PRKAR1A: variants seen among roughly 807,000 people sequenced by gnomAD.
PRKAR1A encodes protein kinase cAMP-dependent type I regulatory subunit alpha.
Under a neutral mutation model 52.0 loss-of-function variants are expected in PRKAR1A, and 3 were observed. The ratio of observed to expected loss-of-function variants is 0.06; its 90% CI spans 0.03 to 0.15. The LOEUF (loss-of-function observed/expected upper bound fraction) is 0.15. PRKAR1A is among the 10% of genes least tolerant of loss of function. The pLI, the probability that PRKAR1A is intolerant of heterozygous loss-of-function variation, is 1.00. For synonymous variants in PRKAR1A, 188 were observed against 168.4 expected (o/e 1.12, Z -0.90); for missense variants, 240 against 477.4 (o/e 0.50, Z 4.63).
chr17:68,545,612 T>G (rs1013639154), intron 11 of PRKAR1A, among the ~76,000 whole-genome samples: 1 of 152,184 alleles, frequency 6.6e-6, no homozygotes, highest in East Asian at 1.9e-4. Context: ...GTGGCAACTT[T>G]TAAAAATAAG....
chr17:68,478,720 G>A, the PRKAR1A span, among the ~76,000 whole-genome samples: 2 of 134,024 alleles, frequency 1.5e-5, no homozygotes, highest in Admixed American at 7.5e-5. Flanking sequence ...GTATGTATAT[G>A]TTGGACAGTT....
At chr17:68,435,553 C>T in the PRKAR1A span, 5 of 1,497,886 alleles carry the variant, frequency 3.3e-6, no homozygotes, top group Non-Finnish European at 2.8e-6. Context: ...TGTTCAATCC[C>T]ATCCCTGCGC....
In PRKAR1A at chr17:68,527,856, A is replaced by G; in HGVS notation, c.725A>G (p.Lys242Arg). 3 of 1,612,330 alleles carry G rather than the reference A, an allele frequency of 1.9e-6. No homozygotes were observed. Among genetic ancestry groups the G allele is most frequent in the Non-Finnish European group, 2.5e-6 (3 of 1,178,628 alleles). ...TATTTTTAGGGAAGCACACTGAGAA[A>G]GCGGAAGATGTATGAGGAATTCCTT... ...RRILMGSTLR[K>R]RKMYEEFLSK... The change falls in exon 8 of 11, where the codon AAG becomes AGG. Residue 242 changes from lysine to arginine, a missense_variant. By Grantham distance (26) the Lys-to-Arg change is conservative. Transcript: ENST00000589228.
the PRKAR1A span, among the ~76,000 whole-genome samples, chr17:68,432,669 C>T: frequency 6.6e-6 from 1 of 152,196 alleles, no homozygotes; most frequent in Non-Finnish European, 1.5e-5. Flanking sequence ...CCAGCCTCTA[C>T]ACCTTCCTCT....
chr17:68,465,155 A>G, the PRKAR1A span, among the ~76,000 whole-genome samples: 1 of 151,396 alleles, frequency 6.6e-6, no homozygotes, highest in African/African-American at 2.4e-5. Flanking sequence ...GATGGTCTCC[A>G]TCACCTGACC....
At chr17:68,460,585 CATGTGGAAATA>C in the PRKAR1A span, among the ~76,000 whole-genome samples, 2 of 152,156 alleles carry the variant, frequency 1.3e-5, no homozygotes, top group African/African-American at 2.4e-5. Flanking sequence ...TGGCACCAGC[CATGTGGAAATA>C]ACATCTCAGG....
chr17:68,489,707 C>T, the PRKAR1A span, among the ~76,000 whole-genome samples: 3 of 128,856 alleles, frequency 2.3e-5, no homozygotes, highest in Non-Finnish European at 1.7e-5. Context: ...CGTGTCATCA[C>T]ACCCGGCAAA....
intron 6 of PRKAR1A, among the ~76,000 whole-genome samples, chr17:68,525,205 C>A (rs938479926): frequency 3.3e-5 from 5 of 151,206 alleles, no homozygotes; most frequent in African/African-American, 1.2e-4. Context: ...GCCTATAATC[C>A]CAGCACTTTG....
chr17:68,524,743 CTA>C (rs2085729596), intron 5 of PRKAR1A, among the ~76,000 whole-genome samples, 167 bp from the exon 6 acceptor site: 1 of 152,062 alleles, frequency 6.6e-6, no homozygotes, highest in Non-Finnish European at 1.5e-5. Flanking sequence ...TTGATTAATT[CTA>C]TGACTTTTAA....
chr17:68,479,787 A>T, the PRKAR1A span, among the ~76,000 whole-genome samples: 1 of 152,256 alleles, frequency 6.6e-6, no homozygotes, highest in Non-Finnish European at 1.5e-5. Flanking sequence ...TAATTTATAA[A>T]GCAAAGAAGT....
the PRKAR1A span, chr17:68,430,154 T>G: frequency 2.5e-6 from 4 of 1,612,652 alleles, no homozygotes; most frequent in African/African-American, 1.3e-5. Flanking sequence ...AAGGCTCTTC[T>G]GGTCGACTAG....
the PRKAR1A span, among the ~76,000 whole-genome samples, chr17:68,497,502 C>A: frequency 6.6e-6 from 1 of 152,168 alleles, no homozygotes; most frequent in Non-Finnish European, 1.5e-5. Flanking sequence ...AAGGAAAAGA[C>A]TTTTAAGCTT....
rs886494951 is a variant in PRKAR1A, at chr17:68,531,605, A to G, written c.*1156A>G. 1.0e-4 allele frequency: 110 copies of G among 1,066,066 alleles called. No homozygotes were observed. Among genetic ancestry groups the G allele is most frequent in the Non-Finnish European group, 1.1e-4 (96 of 879,610 alleles). 66.0% of individuals were successfully genotyped at this position (1,066,066 alleles called of 1,614,324 possible). A position where few individuals can be genotyped will look rare whatever the true frequency, so the allele number is the denominator to read the frequency against. ...TTCAGCTAGAATTTCTGGTGGGTTG[A>G]TGGTAGGGTATAATGTGTCTGTGTT... On this transcript the variant is annotated 3_prime_UTR_variant, in exon 11 of 11. Transcript: ENST00000589228.
intron 2 of PRKAR1A, among the ~76,000 whole-genome samples, chr17:68,517,204 A>G (rs1261575573): frequency 1.3e-5 from 2 of 152,356 alleles, no homozygotes; most frequent in Admixed American, 6.5e-5. Context: ...CTGTAATTCA[A>G]GGGTCTTTGT....
chr17:68,426,319 G>A, the PRKAR1A span: 3 of 682,060 alleles, frequency 4.4e-6, no homozygotes, highest in Admixed American at 4.8e-5. Flanking sequence ...CTGTGCCTAG[G>A]ACAAGTCATA....
chr17:68,511,364 C>A (rs2085261687), upstream of PRKAR1A, among the ~76,000 whole-genome samples: 1 of 152,116 alleles, frequency 6.6e-6, no homozygotes, highest in Non-Finnish European at 1.5e-5. Context: ...TCTCCCTTTT[C>A]TTCCTCCTTA....
chr17:68,420,483 C>G, the PRKAR1A span: 4 of 1,600,714 alleles, frequency 2.5e-6, no homozygotes, highest in South Asian at 3.3e-5. Context: ...TTTTATTCCA[C>G]GAGGAGGAGT....
chr17:68,510,234 G>A (rs2085247299), upstream of PRKAR1A, among the ~76,000 whole-genome samples: 1 of 146,398 alleles, frequency 6.8e-6, no homozygotes, highest in Non-Finnish European at 1.5e-5. Context: ...TAAGATCACT[G>A]CCTGGGTTTA....
the PRKAR1A span, among the ~76,000 whole-genome samples, chr17:68,470,877 A>G: frequency 1.3e-5 from 2 of 152,232 alleles, no homozygotes; most frequent in African/African-American, 2.4e-5. Context: ...TGCCAAGCTA[A>G]TAAGTAATAG....
Sources: gnomAD v4.1 joint callset for allele counts (sites outside exome capture counted in the v4.1 genomes callset) on GRCh38, gnomAD v4.1.1 for gene constraint, MANE v1.5 for transcripts, NCBI Gene and HGNC (gene_info 2026-07-23, HGNC 2026-07-21) for gene names.